TBC1D32: variants seen among roughly 807,000 people sequenced by gnomAD.
TBC1D32 encodes the protein TBC1 domain family member 32.
Under a neutral mutation model 170.3 loss-of-function variants are expected in TBC1D32, and 151 were observed. The ratio of observed to expected loss-of-function variants is 0.89; its 90% CI spans 0.78 to 1.01. The LOEUF (loss-of-function observed/expected upper bound fraction) is 1.01, where lower values mean the gene tolerates loss of function less well. Among genes scored for constraint, TBC1D32 ranks in the 50% least tolerant of loss-of-function variants. The probability of loss-of-function intolerance (pLI) is 0.00; values close to 1 mark genes in which losing one functional copy is unlikely to be tolerated. For missense variants in TBC1D32, 1,464 were observed against 1,457.1 expected (o/e 1.00, Z -0.08); for synonymous variants, 498 against 488.0 (o/e 1.02, Z -0.27).
At chr6:121,128,324 C>T (rs1288080272) in intron 25 of TBC1D32, among the ~76,000 whole-genome samples, 1 of 152,108 alleles carries the variant, frequency 6.6e-6, no homozygotes, top group African/African-American at 2.4e-5. Context: ...GGTCATTGAA[C>T]CTATGACTCT....
chr6:121,216,895 G>A (rs1226085030), intron 21 of TBC1D32, among the ~76,000 whole-genome samples: 1 of 152,156 alleles, frequency 6.6e-6, no homozygotes, highest in Admixed American at 6.5e-5. Flanking sequence ...TGACTGCTAA[G>A]GTGAGGGCTA....
intron 24 of TBC1D32, 106 bp from the exon 25 acceptor site, chr6:121,131,858 T>C (rs957911669): frequency 2.5e-5 from 20 of 793,292 alleles, no homozygotes; most frequent in African/African-American, 2.5e-4. Context: ...GGAATACATA[T>C]GGCTTTCAAA....
intron 1 of TBC1D32, among the ~76,000 whole-genome samples, chr6:121,331,140 C>T (rs1310548216): frequency 1.3e-5 from 2 of 152,188 alleles, no homozygotes; most frequent in African/African-American, 4.8e-5. Flanking sequence ...TAAAAACCAT[C>T]TTCTTACAAA....
At chr6:121,127,614 T>C (rs1243227153) in intron 25 of TBC1D32, among the ~76,000 whole-genome samples, 3 of 152,146 alleles carry the variant, frequency 2.0e-5, no homozygotes, top group African/African-American at 7.2e-5. Flanking sequence ...ACAAATTAAA[T>C]AGCCCTCAGG....
intron 29 of TBC1D32, among the ~76,000 whole-genome samples, chr6:121,109,532 C>T (rs1403416680): frequency 1.3e-5 from 2 of 151,792 alleles, no homozygotes; most frequent in Non-Finnish European, 2.9e-5. Flanking sequence ...AAATAATTTC[C>T]TGATTTTTTA....
intron 21 of TBC1D32, among the ~76,000 whole-genome samples, chr6:121,213,783 G>GA (rs1468014591): frequency 1.3e-5 from 2 of 151,872 alleles, no homozygotes; most frequent in Admixed American, 6.6e-5. Flanking sequence ...CACAGAACTA[G>GA]AAAAAAACTA....
At chr6:121,325,914 T>C (rs1583774804) in intron 1 of TBC1D32, among the ~76,000 whole-genome samples, 1 of 151,524 alleles carries the variant, frequency 6.6e-6, no homozygotes, top group Non-Finnish European at 1.5e-5. Context: ...CAAAGAACTT[T>C]AACAAATTTA....
chr6:121,097,743 C>G (rs1053350091), intron 30 of TBC1D32, among the ~76,000 whole-genome samples: 1 of 152,048 alleles, frequency 6.6e-6, no homozygotes, highest in Admixed American at 6.6e-5. Context: ...CACATGCACA[C>G]GTATGTTTAT....
At chr6:121,116,170 GTT>G (rs879378155) in intron 26 of TBC1D32, among the ~76,000 whole-genome samples, 1 of 142,244 alleles carries the variant, frequency 7.0e-6, no homozygotes, top group African/African-American at 2.6e-5. Context: ...ATATCATGAA[GTT>G]TTTTTTTTTT....
intron 24 of TBC1D32, among the ~76,000 whole-genome samples, chr6:121,141,965 G>A (rs1782842704): frequency 6.6e-6 from 1 of 152,218 alleles, no homozygotes; most frequent in Non-Finnish European, 1.5e-5. Flanking sequence ...TAGATAGCTT[G>A]TTTACTTATG....
intron 16 of TBC1D32, 27 bp downstream of exon 16, chr6:121,256,057 G>T (rs367690734): frequency 2.9e-5 from 46 of 1,587,514 alleles, no homozygotes; most frequent in Non-Finnish European, 3.9e-5. Flanking sequence ...TTTGCAGGGA[G>T]AAAAAACGAA....
At chr6:121,334,575 C>G, upstream of TBC1D32, 5 of 921,240 alleles carry the variant, frequency 5.4e-6, no homozygotes, top group Non-Finnish European at 8.1e-6. Flanking sequence ...GTGCCTGCGC[C>G]CTCAGCTGCC....
At chr6:121,183,138 C>A (rs1012681232) in intron 22 of TBC1D32, among the ~76,000 whole-genome samples, 1 of 151,800 alleles carries the variant, frequency 6.6e-6, no homozygotes. Flanking sequence ...TCTGTCTATC[C>A]CACACAAAAA....
chr6:121,083,990 A>C (rs939271226), intron 31 of TBC1D32, among the ~76,000 whole-genome samples: 6 of 152,040 alleles, frequency 3.9e-5, no homozygotes, highest in Non-Finnish European at 7.4e-5. Context: ...GAGCCAGCTC[A>C]TTCCGACCTC....
At chr6:121,098,649 T>C (rs1318546802) in intron 30 of TBC1D32, among the ~76,000 whole-genome samples, 1 of 152,044 alleles carries the variant, frequency 6.6e-6, no homozygotes, top group Non-Finnish European at 1.5e-5. Flanking sequence ...TATCCATACC[T>C]TTAAAGATCT....
intron 22 of TBC1D32, among the ~76,000 whole-genome samples, chr6:121,176,632 CTT>C (rs888691865): frequency 2.6e-5 from 4 of 151,856 alleles, no homozygotes; most frequent in Non-Finnish European, 4.4e-5. Flanking sequence ...GAGTTTCACT[CTT>C]GTCCCCCAGG....
At chr6:121,171,723 G>C (rs757742636) in intron 22 of TBC1D32, among the ~76,000 whole-genome samples, 2 of 152,102 alleles carry the variant, frequency 1.3e-5, no homozygotes, top group Non-Finnish European at 2.9e-5. Context: ...ATAAAGATGA[G>C]TGGTGGGCAC....
At chr6:121,276,290 T>C (rs1802203041) in intron 15 of TBC1D32, among the ~76,000 whole-genome samples, 1 of 152,142 alleles carries the variant, frequency 6.6e-6, no homozygotes, top group Admixed American at 6.6e-5. Context: ...ATAAGGTCAT[T>C]GCGCTAGATG....
intron 21 of TBC1D32, among the ~76,000 whole-genome samples, chr6:121,215,254 T>C (rs1387051989): frequency 1.3e-5 from 2 of 152,198 alleles, no homozygotes; most frequent in African/African-American, 2.4e-5. Context: ...TCGGCCCTCA[T>C]ACTTCAGGCC....
Sources: gnomAD v4.1 joint callset for allele counts (sites outside exome capture counted in the v4.1 genomes callset) on GRCh38, gnomAD v4.1.1 for gene constraint, MANE v1.5 for transcripts, NCBI Gene and HGNC (gene_info 2026-07-23, HGNC 2026-07-21) for gene names.